The following ULK2 variants were observed in gnomAD, a reference collection of about 807,000 sequenced individuals.
ULK2 encodes serine/threonine-protein kinase ULK2.
Under a neutral mutation model 127.5 loss-of-function variants are expected in ULK2, and 76 were observed. The observed-to-expected ratio is 0.60, with a 90% CI of 0.50 to 0.72. ULK2 has a LOEUF of 0.72. Ranked by LOEUF, ULK2 falls within the 30% of genes least tolerant of loss-of-function variation. The pLI, the probability that ULK2 is intolerant of heterozygous loss-of-function variation, is 0.00. For missense variants in ULK2, 1,144 were observed against 1,295.9 expected, an observed-to-expected ratio of 0.88 and a Z score of 1.80; for synonymous variants, 452 against 461.9, an observed-to-expected ratio of 0.98 and a Z score of 0.28.
chr17:19,778,246 G>A (rs1258739790), intron 25 of ULK2, among the ~76,000 whole-genome samples: 4 of 152,218 alleles, frequency 2.6e-5, no homozygotes, highest in African/African-American at 9.6e-5. Flanking sequence ...TCTGGAGGGA[G>A]ATACAGTCCT....
Position 19,843,071 on chromosome 17 carries a change from T to C in ULK2, c.645+50A>G, listed in dbSNP as rs755347850. The C allele has an allele frequency of 3.5e-6, 5 of 1,408,496 alleles. No individual in the cohort carries two copies. In the Admixed American group the frequency reaches 8.7e-5, roughly 24 times the overall value. 87.2% of individuals were successfully genotyped at this position (1,408,496 alleles called of 1,614,324 possible). ...TCATTTTACAAATCAAACGCAACTA[T>C]AAAATGACAAGATCCCAAAACTGAG... On this transcript the variant is annotated intron_variant, in intron 8 of 26. Transcript: ENST00000395544.
intron 14 of ULK2, among the ~76,000 whole-genome samples, chr17:19,807,050 G>A (rs2087530386): frequency 6.6e-6 from 1 of 152,196 alleles, no homozygotes. Context: ...CAGGTAATCA[G>A]GAAAGCAAGG....
In ULK2 at chr17:19,841,079, A is replaced by G. The variant is rs143954766; in HGVS notation, c.704+410T>C. 1.9e-3 allele frequency among the ~76,000 whole-genome samples: 286 copies of G among 151,450 alleles called. 1 individual carries two copies. Among genetic ancestry groups the G allele is most frequent in the African/African-American group, 6.3e-3 (262 of 41,292 alleles). On this transcript the variant is annotated intron_variant, in intron 9 of 26. Coordinates refer to ENST00000395544, the MANE Select transcript of ULK2 (RefSeq NM_014683.4). ...CATCTCAAGATACAAGTTCGAGAGG[A>G]AAAAAAAAGGAAAACAAGCATTCAA...
intron 12 of ULK2, among the ~76,000 whole-genome samples, chr17:19,822,849 G>A (rs1005295207): frequency 6.6e-6 from 1 of 152,040 alleles, no homozygotes; most frequent in Admixed American, 6.6e-5. Flanking sequence ...ACCATGCCCA[G>A]CTAATTTTTT....
chr17:19,795,035 C>T (rs970512237), intron 20 of ULK2, among the ~76,000 whole-genome samples: 46 of 152,006 alleles, frequency 3.0e-4, no homozygotes, highest in Middle Eastern at 3.4e-3. Context: ...GCCAAGATTG[C>T]GCCACTGCCC....
Position 19,865,845 on chromosome 17 carries a change from G to T in ULK2, c.91-17C>A. The T allele has an allele frequency of 2.8e-6, 4 of 1,435,794 alleles. No homozygotes were observed. The highest frequency in any genetic ancestry group is 3.9e-6 in the Non-Finnish European group (4 of 1,032,198). 88.9% of individuals were successfully genotyped at this position (1,435,794 alleles called of 1,614,324 possible). ...ATCAGTTTTCTGAAAAGGAAAAACAGTGTTACTCCTAGATACCATTCCACA... is the reference window on the plus strand; with the variant it reads ...ATCAGTTTTCTGAAAAGGAAAAACATTGTTACTCCTAGATACCATTCCACA... On this transcript the variant is annotated splice_polypyrimidine_tract_variant and intron_variant, in intron 1 of 26. Coordinates refer to ENST00000395544, the MANE Select transcript of ULK2 (RefSeq NM_014683.4).
At chr17:19,833,127 G>GAAAAAAAAAA (rs71157837) in intron 10 of ULK2, among the ~76,000 whole-genome samples, 10 of 115,474 alleles carry the variant, frequency 8.7e-5, no homozygotes, top group East Asian at 5.2e-4. Context: ...TGTCTCAAAG[G>GAAAAAAAAAA]AAAAAAAAAA....
rs397943235 is a variant in ULK2 at position 19,824,446 on chromosome 17, CAAAAAAAAA to C, written c.924+639_924+647del. Reference sequence around the variant, plus strand: ...TGGGCGACAGAGCGAAACTCCATCTCAAAAAAAAAAAAAAAAAAAAAAAAAAAAGCCTAA... The same window carrying C: ...TGGGCGACAGAGCGAAACTCCATCTCAAAAAAAAAAAAAAAAAAAGCCTAA... On this transcript the variant is annotated intron_variant, in intron 12 of 26. Transcript: ENST00000395544. Among the ~76,000 whole-genome samples the C allele has an allele frequency of 4.4e-3, 44 of 9,892 alleles. No individual in the cohort carries two copies. The East Asian group carries it at 0.13, about 28-fold the overall frequency. The allele number at this position is 9,892 out of a possible 152,430, so 6.5% of individuals were successfully genotyped here.
At chr17:19,818,908 C>T (rs1478019510) in intron 12 of ULK2, among the ~76,000 whole-genome samples, 1 of 143,100 alleles carries the variant, frequency 7.0e-6, no homozygotes, top group Non-Finnish European at 1.5e-5. Context: ...TCAAGCGATT[C>T]TCCTGCCTCA....
At position 19,823,126 on chromosome 17, in the gene ULK2, A is replaced by ATTTTTTTTTTTTT. The variant is rs3884213; in HGVS notation, c.924+1955_924+1967dup. On this transcript the variant is annotated intron_variant, in intron 12 of 26. Transcript: ENST00000395544. ...CAGTCATGCCCAGGCACGCCTGGCT[A>ATTTTTTTTTTTTT]TTTTTTTTTTTTTTTTTTTAGTAGA... 1.4e-3 allele frequency among the ~76,000 whole-genome samples: 164 copies of ATTTTTTTTTTTTT among 113,134 alleles called. 12 individuals carry two copies. Among genetic ancestry groups the ATTTTTTTTTTTTT allele is most frequent in the African/African-American group, 5.8e-3 (153 of 26,238 alleles). 74.2% of individuals were successfully genotyped at this position (113,134 alleles called of 152,430 possible).
At chr17:19,835,964 G>C (rs2041586023) in intron 10 of ULK2, among the ~76,000 whole-genome samples, 1 of 151,364 alleles carries the variant, frequency 6.6e-6, no homozygotes, top group Non-Finnish European at 1.5e-5. Context: ...CCTACAAAAG[G>C]GTAAAAAAAT....
chr17:19,818,797 C>CTTTTTTT (rs71157835), intron 12 of ULK2, among the ~76,000 whole-genome samples: 224 of 77,594 alleles, frequency 2.9e-3, no homozygotes, highest in East Asian at 8.9e-3. Context: ...TTTCTTTTTT[C>CTTTTTTT]TTTTTTTTTT....
intron 14 of ULK2, among the ~76,000 whole-genome samples, chr17:19,809,019 C>T (rs1176007659): frequency 6.6e-6 from 1 of 152,074 alleles, no homozygotes; most frequent in African/African-American, 2.4e-5. Context: ...TGAAGCAACC[C>T]CAAATGTTCA....
chr17:19,821,792 T>C (rs892844522), intron 12 of ULK2, among the ~76,000 whole-genome samples: 2 of 152,104 alleles, frequency 1.3e-5, no homozygotes, highest in African/African-American at 4.8e-5. Flanking sequence ...CAGGCTGAAG[T>C]GCAGTGGAGC....
At chr17:19,819,136 C>A (rs547422550) in intron 12 of ULK2, among the ~76,000 whole-genome samples, 1 of 152,194 alleles carries the variant, frequency 6.6e-6, no homozygotes, top group Admixed American at 6.5e-5. Flanking sequence ...AAATGTGTCA[C>A]ATCCTATATA....
chr17:19,849,748 C>A lies in ULK2; in HGVS notation c.252G>T (p.Val84=). Residue 84 remains valine (V), a synonymous_variant, in exon 4 of 27, where the codon GTG becomes GTT. Transcript: ENST00000395544. ...AAGTTTGTATACTACCTACCTCCATCACCAAAAAGACAGAGTTGGGTAATT... is the reference window on the plus strand; with the variant it reads ...AAGTTTGTATACTACCTACCTCCATAACCAAAAAGACAGAGTTGGGTAATT... ...VQELPNSVFL[V]MEYCNGGDLA... 6.5e-7 allele frequency: 1 copy of A among 1,537,314 alleles called. No homozygotes were observed. The highest frequency in any genetic ancestry group is 8.8e-7 in the Non-Finnish European group (1 of 1,138,572).
At chr17:19,845,055 G>A (rs553884764) in intron 7 of ULK2, among the ~76,000 whole-genome samples, 10 of 152,188 alleles carry the variant, frequency 6.6e-5, no homozygotes, top group African/African-American at 2.4e-4. Flanking sequence ...CAACTTAATA[G>A]ATTTGTCTCA....
At chr17:19,857,731 T>C (rs2042163311) in intron 3 of ULK2, among the ~76,000 whole-genome samples, 2 of 152,180 alleles carry the variant, frequency 1.3e-5, no homozygotes, top group African/African-American at 4.8e-5. Flanking sequence ...GGTATCACTC[T>C]CCTGCTTTTA....
chr17:19,807,967 G>A (rs761972515), intron 14 of ULK2, among the ~76,000 whole-genome samples: 2 of 152,106 alleles, frequency 1.3e-5, no homozygotes, highest in East Asian at 1.9e-4. Flanking sequence ...TTAGCCAGGC[G>A]TGGTGGCGGG....
Sources: gnomAD v4.1 joint callset for allele counts (sites outside exome capture counted in the v4.1 genomes callset) on GRCh38, gnomAD v4.1.1 for gene constraint, MANE v1.5 for transcripts, NCBI Gene and HGNC (gene_info 2026-07-23, HGNC 2026-07-21) for gene names.